INSYN2B: variants seen among roughly 807,000 people sequenced by gnomAD.
INSYN2B encodes protein INSYN2B.
Under a neutral mutation model 41.2 loss-of-function variants are expected in INSYN2B, and 16 were observed. That is an observed-to-expected ratio of 0.39 (90% CI 0.26 to 0.59). INSYN2B has a LOEUF of 0.59. Ranked by LOEUF, INSYN2B falls within the 20% of genes least tolerant of loss-of-function variation. The probability of loss-of-function intolerance (pLI) is 0.57; values close to 1 mark genes in which losing one functional copy is unlikely to be tolerated. For synonymous variants in INSYN2B, 245 were observed against 244.4 expected, an observed-to-expected ratio of 1.00 and a Z score of -0.02; for missense variants, 608 against 646.4, an observed-to-expected ratio of 0.94 and a Z score of 0.64.
intron 1 of INSYN2B, among the ~76,000 whole-genome samples, chr5:169,937,842 G>A (rs1233140145): frequency 6.6e-6 from 1 of 152,188 alleles, no homozygotes; most frequent in Non-Finnish European, 1.5e-5. Context: ...TGACAACACT[G>A]AAATCAAATA....
chr5:169,968,187 C>T (rs1414180192), intron 1 of INSYN2B, among the ~76,000 whole-genome samples: 1 of 152,142 alleles, frequency 6.6e-6, no homozygotes, highest in Non-Finnish European at 1.5e-5. Flanking sequence ...ACAGCTTGAC[C>T]CCAATCATGG....
chr5:169,947,919 C>T (rs888067368), intron 1 of INSYN2B, among the ~76,000 whole-genome samples: 4 of 152,114 alleles, frequency 2.6e-5, no homozygotes, highest in African/African-American at 9.7e-5. Flanking sequence ...AATGTCACAC[C>T]GTGCAGTGCC....
intron 1 of INSYN2B, among the ~76,000 whole-genome samples, chr5:169,952,922 A>C (rs533240141): frequency 5.3e-5 from 8 of 152,322 alleles, no homozygotes; most frequent in Admixed American, 3.9e-4. Flanking sequence ...AGAGCCTCAG[A>C]TAGGGAGAAA....
chr5:169,936,629 G>T (rs1184131965), intron 1 of INSYN2B, among the ~76,000 whole-genome samples: 1 of 143,008 alleles, frequency 7.0e-6, no homozygotes. Context: ...GATTTCACTG[G>T]AGAAACCAGT....
At chr5:169,911,736 C>A (rs1270521596) in intron 1 of INSYN2B, among the ~76,000 whole-genome samples, 1 of 152,072 alleles carries the variant, frequency 6.6e-6, no homozygotes, top group Non-Finnish European at 1.5e-5. Context: ...GACTTCAAAC[C>A]CTTTATCTGA....
At chr5:169,912,817 A>T (rs76018445) in intron 1 of INSYN2B, among the ~76,000 whole-genome samples, 9 of 150,016 alleles carry the variant, frequency 6.0e-5, no homozygotes, top group Non-Finnish European at 1.3e-4. Context: ...GAGTGTTGAG[A>T]TTTTTTTTTT....
intron 1 of INSYN2B, among the ~76,000 whole-genome samples, chr5:169,942,395 T>C (rs991227039): frequency 2.0e-5 from 3 of 152,178 alleles, no homozygotes; most frequent in Non-Finnish European, 4.4e-5. Context: ...AAACACAAGT[T>C]TGTGGAGCTG....
chr5:169,921,902 G>A (rs1775195920), intron 1 of INSYN2B, among the ~76,000 whole-genome samples: 1 of 152,172 alleles, frequency 6.6e-6, no homozygotes, highest in African/African-American at 2.4e-5. Context: ...TACTGTGATA[G>A]CCCCTTGACA....
At chr5:169,956,113 G>A (rs77579400) in intron 1 of INSYN2B, among the ~76,000 whole-genome samples, 10 of 151,708 alleles carry the variant, frequency 6.6e-5, no homozygotes, top group African/African-American at 2.4e-4. Flanking sequence ...CAAATTTGCT[G>A]TGTCCTTGAT....
At chr5:169,965,341 C>T (rs904764603) in intron 1 of INSYN2B, among the ~76,000 whole-genome samples, 1 of 152,194 alleles carries the variant, frequency 6.6e-6, no homozygotes, top group Admixed American at 6.5e-5. Flanking sequence ...TGCTGCTGGT[C>T]CACAGGCCAC....
Position 169,884,541 on chromosome 5 carries a change from A to C in INSYN2B, c.-643T>G, listed in dbSNP as rs1473267385. The C allele has an allele frequency of 1.3e-5, 2 of 152,150 alleles. No homozygotes were observed. The highest frequency in any genetic ancestry group is 2.9e-5 in the Non-Finnish European group (2 of 68,036). 9.4% of individuals were successfully genotyped at this position (152,150 alleles called of 1,614,324 possible). ...AATCACAAATTCCTCCTTTGGGGCC[A>C]TTGTTTTCTTTCATGCTGTCTCTCT... is the stretch of plus-strand genomic sequence containing the variant. On this transcript the variant is annotated 5_prime_UTR_variant, in exon 2 of 4. It removes an upstream start codon present in the reference 5' UTR. Transcript: ENST00000377365.
intron 3 of INSYN2B, 69 bp from the exon 4 acceptor site, chr5:169,864,528 G>A (rs114343160): frequency 1.2e-5 from 14 of 1,199,864 alleles, no homozygotes; most frequent in Non-Finnish European, 1.6e-5. Flanking sequence ...GCATCTCTCA[G>A]CCCCAACTAA....
intron 3 of INSYN2B, among the ~76,000 whole-genome samples, chr5:169,881,052 GCT>G (rs2113499420): frequency 6.6e-6 from 1 of 152,274 alleles, no homozygotes; most frequent in South Asian, 2.1e-4. Context: ...CTAGGAAAAT[GCT>G]CTGTGTGAGC....
chr5:169,922,685 C>T (rs1045743314), intron 1 of INSYN2B, among the ~76,000 whole-genome samples: 1 of 152,208 alleles, frequency 6.6e-6, no homozygotes, highest in Non-Finnish European at 1.5e-5. Flanking sequence ...TATGGTCACA[C>T]AGCTTAATGT....
At chr5:169,896,602 C>T (rs1351007684) in intron 1 of INSYN2B, among the ~76,000 whole-genome samples, 3 of 152,272 alleles carry the variant, frequency 2.0e-5, no homozygotes, top group Non-Finnish European at 2.9e-5. Flanking sequence ...AGGCTGGAAC[C>T]ACTTAATAAA....
chr5:169,914,598 T>G (rs902739924), intron 1 of INSYN2B, among the ~76,000 whole-genome samples: 2 of 152,210 alleles, frequency 1.3e-5, no homozygotes, highest in Admixed American at 6.5e-5. Flanking sequence ...TCTTAAAAAT[T>G]GAATTCATTG....
intron 1 of INSYN2B, among the ~76,000 whole-genome samples, chr5:169,931,241 G>A (rs146147062): frequency 6.2e-4 from 94 of 152,320 alleles, no homozygotes; most frequent in African/African-American, 2.1e-3. Flanking sequence ...TCCCAAAGAC[G>A]ACCAGGAGAG....
At chr5:169,902,751 G>A (rs546882724) in intron 1 of INSYN2B, among the ~76,000 whole-genome samples, 3 of 152,290 alleles carry the variant, frequency 2.0e-5, no homozygotes, top group South Asian at 2.1e-4. Context: ...CTAGGGACAC[G>A]GCAGTGAGCT....
At chr5:169,900,425 G>A (rs925720467) in intron 1 of INSYN2B, among the ~76,000 whole-genome samples, 8 of 152,272 alleles carry the variant, frequency 5.3e-5, no homozygotes, top group Admixed American at 3.9e-4. Context: ...CTTAATTATC[G>A]TGGCTGGGCG....
Sources: allele counts gnomAD v4.1 joint callset (sites outside exome capture counted in the v4.1 genomes callset), GRCh38; gene constraint gnomAD v4.1.1; transcripts MANE v1.5; gene names NCBI Gene and HGNC (gene_info 2026-07-23, HGNC 2026-07-21).